Variants in ENTPD1 observed in about 807,000 individuals in gnomAD.
The protein encoded by ENTPD1 is ectonucleoside triphosphate diphosphohydrolase 1, also known as ATP diphosphohydrolase.
Under a neutral mutation model 57.0 loss-of-function variants are expected in ENTPD1, and 33 were observed. The ratio of observed to expected loss-of-function variants is 0.58; its 90% CI spans 0.44 to 0.77. ENTPD1 has a LOEUF of 0.77. ENTPD1 is among the 30% of genes least tolerant of loss of function. The pLI, the probability that ENTPD1 is intolerant of heterozygous loss-of-function variation, is 0.00. For missense variants in ENTPD1, 501 were observed against 603.4 expected (o/e 0.83, Z 1.78); for synonymous variants, 202 against 218.8 (o/e 0.92, Z 0.68).
chr10:95,807,482 C>A (rs144195759), intron 1 of ENTPD1, among the ~76,000 whole-genome samples: 1 of 152,312 alleles, frequency 6.6e-6, no homozygotes, highest in Non-Finnish European at 1.5e-5. Context: ...GGCGATGCCC[C>A]GCCCTGCTTC....
the ENTPD1 span, among the ~76,000 whole-genome samples, chr10:95,698,298 C>G: frequency 6.6e-5 from 10 of 152,142 alleles, no homozygotes; most frequent in Non-Finnish European, 1.3e-4. Flanking sequence ...ATAGAAGGAG[C>G]TACATGATTA....
At chr10:95,852,242 C>T (rs941505021) in intron 7 of ENTPD1, among the ~76,000 whole-genome samples, 3 of 152,176 alleles carry the variant, frequency 2.0e-5, no homozygotes, top group Non-Finnish European at 4.4e-5. Flanking sequence ...TGAGAAGTGT[C>T]TATTCAGGTC....
chr10:95,752,658 T>A (rs1465599479), upstream of ENTPD1, among the ~76,000 whole-genome samples: 2 of 152,038 alleles, frequency 1.3e-5, no homozygotes, highest in Non-Finnish European at 2.9e-5. Context: ...AGAGCGAAAC[T>A]CTGTCTCAAA....
chr10:95,755,815 T>A, upstream of ENTPD1: 1 of 1,509,040 alleles, frequency 6.6e-7, no homozygotes, highest in Non-Finnish European at 8.9e-7. Context: ...AAGGAATAGC[T>A]TTTTTTGCTT....
At chr10:95,859,139 ATATATG>A (rs1176378693) in intron 7 of ENTPD1, among the ~76,000 whole-genome samples, 1 of 152,228 alleles carries the variant, frequency 6.6e-6, no homozygotes, top group Admixed American at 6.5e-5. Context: ...GTTATTAGAT[ATATATG>A]TATAAGAATA....
chr10:95,817,161 T>C (rs2098332799), intron 1 of ENTPD1, among the ~76,000 whole-genome samples: 1 of 152,194 alleles, frequency 6.6e-6, no homozygotes, highest in African/African-American at 2.4e-5. Flanking sequence ...TCGGTGACCC[T>C]TCCTGATGAT....
chr10:95,779,767 A>AATGGAAAT (rs1247109167), intron 1 of ENTPD1, among the ~76,000 whole-genome samples: 2 of 152,150 alleles, frequency 1.3e-5, no homozygotes, highest in Non-Finnish European at 2.9e-5. Context: ...TGATTTGAAA[A>AATGGAAAT]ATGGAAATAT....
chr10:95,792,102 G>A (rs1406501072), intron 1 of ENTPD1, among the ~76,000 whole-genome samples: 1 of 152,092 alleles, frequency 6.6e-6, no homozygotes, highest in Non-Finnish European at 1.5e-5. Context: ...GTGAGAGTGG[G>A]AATGGTATTA....
At chr10:95,807,483 G>A (rs898680357) in intron 1 of ENTPD1, among the ~76,000 whole-genome samples, 7 of 152,200 alleles carry the variant, frequency 4.6e-5, no homozygotes, top group African/African-American at 1.2e-4. Flanking sequence ...GCGATGCCCC[G>A]CCCTGCTTCA....
rs568597563 is a variant in ENTPD1 at position 95,870,155 on chromosome 10, T to G, written c.*3772T>G. ...GTTTTGTTGCCTTCCCATGAAGATG[T>G]GAAGGCAGGGATGCCTGTTATTCAG... On this transcript the variant is annotated 3_prime_UTR_variant, in exon 10 of 10. Coordinates refer to ENST00000371205, the MANE Select transcript of ENTPD1 (RefSeq NM_001776.6). 1.1e-5 allele frequency: 11 copies of G among 985,442 alleles called. No individual in the cohort carries two copies. In the East Asian group the frequency reaches 1.1e-3, roughly 102 times the overall value. The allele number at this position is 985,442 out of a possible 1,614,324, so 61.0% of individuals were successfully genotyped here. A position where few individuals can be genotyped will look rare whatever the true frequency, so the allele number is the denominator to read the frequency against.
intron 1 of ENTPD1, among the ~76,000 whole-genome samples, chr10:95,725,608 A>G (rs888778135): frequency 1.3e-5 from 2 of 152,038 alleles, no homozygotes; most frequent in Admixed American, 6.5e-5. Flanking sequence ...AGTTGCCCTC[A>G]TGTCTACTTT....
At chr10:95,696,478 C>G in the ENTPD1 span, among the ~76,000 whole-genome samples, 7 of 152,104 alleles carry the variant, frequency 4.6e-5, no homozygotes, top group African/African-American at 1.7e-4. Flanking sequence ...CGGAGTTTCA[C>G]CATGTTGGCT....
At chr10:95,826,181 A>C (rs1420784827) in intron 2 of ENTPD1, among the ~76,000 whole-genome samples, 1 of 152,182 alleles carries the variant, frequency 6.6e-6, no homozygotes, top group African/African-American at 2.4e-5. Flanking sequence ...CCACCAAATG[A>C]AAGTTTTGGG....
intron 1 of ENTPD1, among the ~76,000 whole-genome samples, chr10:95,775,446 G>T (rs1365218281): frequency 6.6e-6 from 1 of 152,176 alleles, no homozygotes; most frequent in Non-Finnish European, 1.5e-5. Flanking sequence ...TGCCCATTCA[G>T]TATGATATTG....
In ENTPD1 at chr10:95,844,595, G is replaced by A. The variant is rs377223631; in HGVS notation, c.533G>A (p.Gly178Asp). ...IITGQEEGAYGWITINYLLGK... is the reference protein window; with the variant it reads ...IITGQEEGAYDWITINYLLGK... Reference sequence around the variant, plus strand: ...ACTGGCCAAGAGGAAGGTGCCTATGGCTGGATTACTATCAACTATCTGCTG... The same window carrying A: ...ACTGGCCAAGAGGAAGGTGCCTATGACTGGATTACTATCAACTATCTGCTG... Residue 178 changes from glycine to aspartate, a missense_variant, in exon 5 of 10, where the codon GGC becomes GAC. By Grantham distance (94) the Gly-to-Asp change is moderately conservative. Transcript: ENST00000371205. The A allele has an allele frequency of 1.9e-6, 3 of 1,614,070 alleles. No individual in the cohort carries two copies. Among genetic ancestry groups the A allele is most frequent in the Non-Finnish European group, 1.7e-6 (2 of 1,180,044 alleles).
intron 1 of ENTPD1, among the ~76,000 whole-genome samples, chr10:95,805,508 T>A (rs1479739602): frequency 6.6e-6 from 1 of 152,220 alleles, no homozygotes; most frequent in Non-Finnish European, 1.5e-5. Flanking sequence ...TTAATATTGT[T>A]ATGTGTGAAT....
intron 1 of ENTPD1, among the ~76,000 whole-genome samples, chr10:95,721,067 G>A (rs2097976890): frequency 6.6e-6 from 1 of 152,144 alleles, no homozygotes; most frequent in African/African-American, 2.4e-5. Context: ...GCAGCTGACT[G>A]ACTGATAAAC....
chr10:95,845,690 T>C (rs765543890), intron 6 of ENTPD1, 94 bp downstream of exon 6: 5 of 1,610,022 alleles, frequency 3.1e-6, no homozygotes, highest in Non-Finnish European at 4.2e-6. Context: ...GTAGTTTGTC[T>C]GAACTTGGTT....
At chr10:95,811,112 G>A (rs561772829) in intron 1 of ENTPD1, among the ~76,000 whole-genome samples, 18 of 152,252 alleles carry the variant, frequency 1.2e-4, no homozygotes, top group Non-Finnish European at 2.1e-4. Context: ...GGCATTTCTC[G>A]CTTACACAGA....
Sources: gnomAD v4.1 joint callset for allele counts (sites outside exome capture counted in the v4.1 genomes callset) on GRCh38, gnomAD v4.1.1 for gene constraint, MANE v1.5 for transcripts, NCBI Gene and HGNC (gene_info 2026-07-23, HGNC 2026-07-21) for gene names.